DPYSL4: variants seen among roughly 807,000 people sequenced by gnomAD.
DPYSL4 encodes the protein dihydropyrimidinase like 4.
In DPYSL4, 43 loss-of-function variants were observed where a neutral mutation model predicts 63.4. The ratio of observed to expected loss-of-function variants is 0.68; its 90% CI spans 0.53 to 0.88. The LOEUF is 0.88. Among genes scored for constraint, DPYSL4 ranks in the 40% least tolerant of loss-of-function variants. The pLI, the probability that DPYSL4 is intolerant of heterozygous loss-of-function variation, is 0.00. For missense variants in DPYSL4, 733 were observed against 819.5 expected (o/e 0.89, Z 1.29); for synonymous variants, 353 against 331.7 (o/e 1.06, Z -0.70).
chr10:132,196,996 A>G (rs759887295), intron 5 of DPYSL4, 25 bp from the exon 6 acceptor site: 3 of 1,612,474 alleles, frequency 1.9e-6, no homozygotes, highest in South Asian at 2.2e-5. Context: ...AGCCCCACCC[A>G]GGACGCCACC....
At chr10:132,198,780 TCCCCATTGCCCACACTGGTCTGGAG>T in intron 7 of DPYSL4, 46 bp from the exon 8 acceptor site, 2 of 1,579,066 alleles carry the variant, frequency 1.3e-6, no homozygotes, top group Non-Finnish European at 1.7e-6. Context: ...CACCTGGGCA[TCCCCATTGCCCACACTGGTCTGGAG>T]CCCCAGGGCC....
chr10:132,195,120 A>G (rs2061926285), intron 4 of DPYSL4, 111 bp downstream of exon 4: 2 of 1,286,504 alleles, frequency 1.6e-6, no homozygotes, highest in Non-Finnish European at 2.1e-6. Flanking sequence ...GCTGGTGTCC[A>G]GGTTTGAGTG....
At chr10:132,197,284 G>C (rs1366293269) in intron 6 of DPYSL4, among the ~76,000 whole-genome samples, 183 bp downstream of exon 6, 1 of 152,224 alleles carries the variant, frequency 6.6e-6, no homozygotes, top group African/African-American at 2.4e-5. Context: ...CAGTGAGTTA[G>C]AGAGACTGGG....
At chr10:132,200,242 C>G in intron 8 of DPYSL4, 114 bp from the exon 9 acceptor site, 1 of 1,349,926 alleles carries the variant, frequency 7.4e-7, no homozygotes. Context: ...TGGGCACAAG[C>G]TGTCCCAGGC....
intron 12 of DPYSL4, among the ~76,000 whole-genome samples, chr10:132,203,102 GGTT>G (rs1283785738): frequency 6.6e-6 from 1 of 152,236 alleles, no homozygotes; most frequent in Non-Finnish European, 1.5e-5. Flanking sequence ...AGTCATCCAC[GGTT>G]GTTAGAGAAA....
chr10:132,205,068 C>T lies in DPYSL4; in HGVS notation c.*138C>T. The T allele has an allele frequency of 1.6e-6, 1 of 607,420 alleles. No individual in the cohort carries two copies. Among genetic ancestry groups the T allele is most frequent in the Non-Finnish European group, 2.7e-6 (1 of 370,834 alleles). 37.6% of individuals were successfully genotyped at this position (607,420 alleles called of 1,614,324 possible). ...TTGGCGGTCTTGCCTTCCCCCTCCCCACAGGCTCTCCTTGTGGGGTCCCAG... is the reference window on the plus strand; with the variant it reads ...TTGGCGGTCTTGCCTTCCCCCTCCCTACAGGCTCTCCTTGTGGGGTCCCAG... On this transcript the variant is annotated 3_prime_UTR_variant, in exon 14 of 14. Coordinates refer to ENST00000338492, the MANE Select transcript of DPYSL4 (RefSeq NM_006426.3).
At chr10:132,187,266 C>G (rs1271767186) in intron 1 of DPYSL4, among the ~76,000 whole-genome samples, 164 bp downstream of exon 1, 1 of 151,656 alleles carries the variant, frequency 6.6e-6, no homozygotes, top group Admixed American at 6.6e-5. Flanking sequence ...CCTTCGCGCC[C>G]CAGGGTCCGA....
At chr10:132,187,465 T>A (rs2061818067) in intron 1 of DPYSL4, among the ~76,000 whole-genome samples, 1 of 151,882 alleles carries the variant, frequency 6.6e-6, no homozygotes. Context: ...CTCGGAGCGC[T>A]AGCGGCTCCT....
chr10:132,190,665 A>C, intron 1 of DPYSL4, 82 bp from the exon 2 acceptor site: 1 of 1,366,904 alleles, frequency 7.3e-7, no homozygotes. Flanking sequence ...TTTCAGTCAT[A>C]ATTTCAGAGG....
At chr10:132,202,924 G>A (rs1385416881) in intron 12 of DPYSL4, 99 bp downstream of exon 12, 2 of 1,431,888 alleles carry the variant, frequency 1.4e-6, no homozygotes, top group African/African-American at 2.9e-5. Flanking sequence ...GGCCTCCCGA[G>A]GGGTCAGGAA....
rs376147065 is a variant in DPYSL4, at chr10:132,200,962, G to A, written c.1089G>A (p.Ser363=). The change falls in exon 10 of 14, where the codon TCG becomes TCA. Residue 363 remains serine (S), a synonymous_variant. Coordinates refer to ENST00000338492, the MANE Select transcript of DPYSL4 (RefSeq NM_006426.3). ...CCAACGGCATTGAGGAGCGCATGTC[G>A]ATGGTCTGGGAGAAATGTGTGGTGA... ...EGTNGIEERM[S]MVWEKCVASG... 107 of 1,613,080 alleles carry A rather than the reference G, an allele frequency of 6.6e-5. No homozygotes were observed. Among genetic ancestry groups the A allele is most frequent in the Non-Finnish European group, 8.0e-5 (94 of 1,179,948 alleles).
intron 6 of DPYSL4, among the ~76,000 whole-genome samples, chr10:132,198,001 G>A (rs775967300): frequency 6.6e-6 from 1 of 152,222 alleles, no homozygotes; most frequent in Non-Finnish European, 1.5e-5. Flanking sequence ...GGATGCCGTA[G>A]TGCAAATCTG....
rs1488144001 is a variant in DPYSL4 at position 132,203,923 on chromosome 10, A to C, written c.1623A>C (p.Leu541=). ...VRNLHQSGFS[L]SGSQADDHIA... Reference sequence around the variant, plus strand: ...ACCTACATCAGTCGGGGTTCAGCCTATCTGGTGAGTTGGGCCTGGGGCACC... The same window carrying C: ...ACCTACATCAGTCGGGGTTCAGCCTCTCTGGTGAGTTGGGCCTGGGGCACC... Residue 541 remains leucine (L), a synonymous_variant, in exon 13 of 14, where the codon CTA becomes CTC. Transcript: ENST00000338492. 6.3e-7 allele frequency: 1 copy of C among 1,598,766 alleles called. No individual in the cohort carries two copies. The highest frequency in any genetic ancestry group is 8.6e-7 in the Non-Finnish European group (1 of 1,168,466).
chr10:132,192,207 G>T, intron 2 of DPYSL4: 1 of 617,582 alleles, frequency 1.6e-6, no homozygotes, highest in Non-Finnish European at 2.0e-6. Context: ...CCCGGCCTTT[G>T]GTGAGGGCAG....
At chr10:132,196,720 C>G (rs1552681) in intron 4 of DPYSL4, 141 bp from the exon 5 acceptor site, 836,438 of 906,734 alleles carry the variant, frequency 0.92, 386,319 homozygotes, top group East Asian at 1. Context: ...GGGACTGCTC[C>G]CAGGGCTGGC....
chr10:132,190,698 A>C (rs2061862917), intron 1 of DPYSL4, 49 bp from the exon 2 acceptor site: 1 of 1,555,732 alleles, frequency 6.4e-7, no homozygotes, highest in African/African-American at 1.4e-5. Flanking sequence ...CAAGAGTGTT[A>C]CTGAGTAACT....
chr10:132,204,988 A>G lies in DPYSL4; in HGVS notation c.*58A>G, dbSNP rs1193905087. Reference sequence around the variant, plus strand: ...CCCCACCCGAGGCCGCGGGGGCCCCAGGGCACTCGCCCCCCTCCTTAGCAT... The same window carrying G: ...CCCCACCCGAGGCCGCGGGGGCCCCGGGGCACTCGCCCCCCTCCTTAGCAT... On this transcript the variant is annotated 3_prime_UTR_variant, in exon 14 of 14. Transcript: ENST00000338492. 25 of 1,403,712 alleles carry G rather than the reference A, an allele frequency of 1.8e-5. No individual in the cohort carries two copies. The highest frequency in any genetic ancestry group is 2.2e-5 in the Non-Finnish European group (23 of 1,025,504). 87.0% of individuals were successfully genotyped at this position (1,403,712 alleles called of 1,614,324 possible). A position where few individuals can be genotyped will look rare whatever the true frequency, so the allele number is the denominator to read the frequency against.
At position 132,200,908 on chromosome 10, in the gene DPYSL4, G is replaced by A. The variant is rs11146246; in HGVS notation, c.1035G>A (p.Lys345=). 524 of 1,613,288 alleles carry A rather than the reference G, an allele frequency of 3.2e-4. 1 individual carries two copies. In the African/African-American group the frequency reaches 6.2e-3, roughly 19 times the overall value. ...TFTTAQKAVG[K]DNFALIPEGT... ...CCACTGCCCAGAAGGCTGTGGGCAA[G>A]GACAACTTCGCGCTGATCCCCGAGG... The change falls in exon 10 of 14, where the codon AAG becomes AAA. Residue 345 remains lysine, a synonymous_variant. Coordinates refer to ENST00000338492, the MANE Select transcript of DPYSL4 (RefSeq NM_006426.3).
At chr10:132,204,091 C>T (rs1014232152) in intron 13 of DPYSL4, among the ~76,000 whole-genome samples, 164 bp downstream of exon 13, 1 of 152,110 alleles carries the variant, frequency 6.6e-6, no homozygotes, top group African/African-American at 2.4e-5. Context: ...GGGCCAAGGG[C>T]TGAGCCCAGT....
Sources: allele counts gnomAD v4.1 joint callset (sites outside exome capture counted in the v4.1 genomes callset), GRCh38; gene constraint gnomAD v4.1.1; transcripts MANE v1.5; gene names NCBI Gene and HGNC (gene_info 2026-07-23, HGNC 2026-07-21).